MCTP1: variants seen among roughly 807,000 people sequenced by gnomAD.
MCTP1 encodes the protein multiple C2 and transmembrane domain containing 1.
MCTP1 carries 69 observed loss-of-function variants against 120.6 expected under a neutral mutation model. The ratio of observed to expected loss-of-function variants is 0.57; its 90% CI spans 0.47 to 0.70. MCTP1 has a LOEUF of 0.70. Ranked by LOEUF, MCTP1 falls within the 30% of genes least tolerant of loss-of-function variation. The pLI is 0.00. For synonymous variants in MCTP1, 529 were observed against 493.1 expected, an observed-to-expected ratio of 1.07 and a Z score of -0.96; for missense variants, 1,203 against 1,248.8, an observed-to-expected ratio of 0.96 and a Z score of 0.55.
chr5:94,868,270 A>AAC (rs1797192162), intron 17 of MCTP1, 63 bp downstream of exon 17: 2 of 1,442,274 alleles, frequency 1.4e-6, no homozygotes, highest in Non-Finnish European at 1.8e-6. Context: ...TAGCCACAGA[A>AAC]ACATGCAGCT....
At chr5:95,133,145 TA>T (rs1199664284) in intron 1 of MCTP1, among the ~76,000 whole-genome samples, 4 of 152,144 alleles carry the variant, frequency 2.6e-5, no homozygotes, top group African/African-American at 9.7e-5. Context: ...GGAGACAATA[TA>T]AAAAATGCCC....
chr5:94,896,688 G>A (rs1245090874), intron 10 of MCTP1, among the ~76,000 whole-genome samples: 2 of 152,158 alleles, frequency 1.3e-5, no homozygotes, highest in Non-Finnish European at 2.9e-5. Context: ...TCACAGATTT[G>A]TTGTTTTGCT....
chr5:95,038,722 T>A (rs1360246602), intron 1 of MCTP1, among the ~76,000 whole-genome samples: 1 of 152,244 alleles, frequency 6.6e-6, no homozygotes, highest in African/African-American at 2.4e-5. Flanking sequence ...ATTTATGCAG[T>A]GTTTACGTTT....
chr5:94,799,019 A>G lies in MCTP1; in HGVS notation c.2550T>C (p.Arg850=), dbSNP rs780579690. ...LIISGKDNRQ[R]DTVVEDMLED... is the part of the protein sequence containing the mutation. ...TAAGAGAGTAGAGACTTACTGTATC[A>G]CGTTGCCTGTTATCTTTCCCTGATA... Residue 850 remains arginine, a synonymous_variant, in exon 18 of 23, where the codon CGT becomes CGC. Transcript: ENST00000515393. 32 of 1,611,216 alleles carry G rather than the reference A, an allele frequency of 2.0e-5. No individual in the cohort carries two copies. Among genetic ancestry groups the G allele is most frequent in the Non-Finnish European group, 2.6e-5 (31 of 1,178,394 alleles).
chr5:95,162,159 A>G (rs1394203677), intron 1 of MCTP1, among the ~76,000 whole-genome samples: 1 of 152,194 alleles, frequency 6.6e-6, no homozygotes, highest in East Asian at 1.9e-4. Flanking sequence ...TAGCATTGAT[A>G]ATATTTTAGA....
At chr5:94,966,623 G>A (rs539674659) in intron 2 of MCTP1, among the ~76,000 whole-genome samples, 3 of 152,086 alleles carry the variant, frequency 2.0e-5, no homozygotes, top group South Asian at 2.1e-4. Context: ...GTGAAACCCC[G>A]TCTCTACTAA....
intron 1 of MCTP1, among the ~76,000 whole-genome samples, chr5:95,283,274 T>C (rs1230673802): frequency 6.6e-6 from 1 of 152,246 alleles, no homozygotes. Flanking sequence ...CATATGCATT[T>C]GACTAACTGG....
chr5:94,960,282 A>G (rs1222401387), intron 2 of MCTP1, among the ~76,000 whole-genome samples: 1 of 152,228 alleles, frequency 6.6e-6, no homozygotes, highest in Non-Finnish European at 1.5e-5. Context: ...GGATGGATGA[A>G]AGATTTAAAC....
intron 1 of MCTP1, among the ~76,000 whole-genome samples, chr5:95,051,724 T>C (rs1382401854): frequency 1.3e-5 from 2 of 152,214 alleles, no homozygotes; most frequent in Non-Finnish European, 2.9e-5. Context: ...GATGAGATCA[T>C]GTCCTTTGCA....
chr5:94,873,063 T>G (rs1274406131), intron 13 of MCTP1, 76 bp downstream of exon 13: 11 of 840,226 alleles, frequency 1.3e-5, no homozygotes, highest in Non-Finnish European at 2.2e-5. Context: ...AACACACACA[T>G]TTTTTTTAAA....
At position 94,868,344 on chromosome 5, in the gene MCTP1, C is replaced by T. The variant is rs775564022; in HGVS notation, c.2425G>A (p.Ala809Thr). 12 of 1,597,896 alleles carry T rather than the reference C, an allele frequency of 7.5e-6. No individual in the cohort carries two copies. In the Admixed American group the frequency reaches 8.7e-5, roughly 12 times the overall value. The change falls in exon 17 of 23, where the codon GCT (alanine) becomes ACT (threonine). Residue 809 changes from alanine (A) to threonine (T), a missense_variant. Around this residue, in one of 2 missense-constraint regions of MCTP1, gnomAD observed 740 missense variants for 871.1 expected, o/e 0.85. Coordinates refer to ENST00000515393, the MANE Select transcript of MCTP1 (RefSeq NM_024717.7). ...CAGTATGATCATACCACAAAAGCAG[C>T]GAGACTCCTTGGGGGTGAATCCCAA... ...FDWDSPPRSL[A>T]AFVLFLFVVW...
chr5:95,106,871 T>G (rs571981910), intron 1 of MCTP1, among the ~76,000 whole-genome samples: 1 of 152,334 alleles, frequency 6.6e-6, no homozygotes, highest in African/African-American at 2.4e-5. Flanking sequence ...AATACCCAAT[T>G]GGTAAACATG....
At chr5:94,831,191 T>C (rs1304849964) in intron 17 of MCTP1, among the ~76,000 whole-genome samples, 1 of 152,188 alleles carries the variant, frequency 6.6e-6, no homozygotes, top group African/African-American at 2.4e-5. Context: ...GAGAGTTAAG[T>C]TGATAAGCAG....
intron 1 of MCTP1, among the ~76,000 whole-genome samples, chr5:95,224,708 CTA>C (rs1175234652): frequency 6.6e-6 from 1 of 152,080 alleles, no homozygotes; most frequent in Non-Finnish European, 1.5e-5. Context: ...TGTGGTTTCA[CTA>C]TGTTGCCCAG....
At chr5:94,813,353 T>C (rs1253962250) in intron 17 of MCTP1, among the ~76,000 whole-genome samples, 1 of 152,192 alleles carries the variant, frequency 6.6e-6, no homozygotes, top group East Asian at 1.9e-4. Flanking sequence ...AGAACCCTCG[T>C]ATGTCATTGG....
intron 4 of MCTP1, among the ~76,000 whole-genome samples, chr5:94,941,499 A>G (rs960533302): frequency 6.6e-6 from 1 of 151,996 alleles, no homozygotes; most frequent in Non-Finnish European, 1.5e-5. Context: ...AGTCATCTAC[A>G]TTTACAGAAA....
At chr5:94,841,040 C>G (rs1390879440) in intron 17 of MCTP1, among the ~76,000 whole-genome samples, 1 of 152,188 alleles carries the variant, frequency 6.6e-6, no homozygotes, top group Non-Finnish European at 1.5e-5. Flanking sequence ...ATGTGGGCAG[C>G]ATCTTTGACA....
intron 1 of MCTP1, among the ~76,000 whole-genome samples, chr5:95,069,011 T>C (rs1157429994): frequency 1.3e-5 from 2 of 151,682 alleles, no homozygotes; most frequent in African/African-American, 2.4e-5. Context: ...CAGAACAGCC[T>C]GTGCTACATA....
intron 12 of MCTP1, among the ~76,000 whole-genome samples, chr5:94,874,920 A>G (rs1468156179): frequency 3.9e-5 from 6 of 152,176 alleles, no homozygotes; most frequent in African/African-American, 4.8e-5. Context: ...TTAGGTAGGT[A>G]GTAGGTCACA....
Sources: gnomAD v4.1 joint callset for allele counts (sites outside exome capture counted in the v4.1 genomes callset) on GRCh38, gnomAD v4.1.1 for gene constraint, gnomAD v4.1.1 regional missense constraint, MANE v1.5 for transcripts, NCBI Gene and HGNC (gene_info 2026-07-23, HGNC 2026-07-21) for gene names.